Variants in RBFOX1 observed in about 807,000 individuals in gnomAD.
RBFOX1 encodes the protein RNA binding fox-1 homolog 1, also known as RNA binding protein fox-1 homolog 1.
Under a neutral mutation model 57.7 loss-of-function variants are expected in RBFOX1, and 8 were observed. The ratio of observed to expected loss-of-function variants is 0.14; its 90% confidence interval spans 0.08 to 0.25. The LOEUF is 0.25. Ranked by LOEUF, RBFOX1 falls within the 10% of genes least tolerant of loss-of-function variation. The pLI is 1.00. For missense variants in RBFOX1, 611 were observed against 548.5 expected, an observed-to-expected ratio of 1.11 and a Z score of -1.14; for synonymous variants, 326 against 222.4, an observed-to-expected ratio of 1.47 and a Z score of -4.15.
chr16:6,420,936 G>A (rs1348119982), intron 2 of RBFOX1, among the ~76,000 whole-genome samples: 1 of 152,220 alleles, frequency 6.6e-6, no homozygotes, highest in Admixed American at 6.5e-5. Context: ...CTGTAAGCCT[G>A]AAAGTGGGTG....
At chr16:7,650,110 TAAGAAGGA>T (rs917387561) in intron 11 of RBFOX1, among the ~76,000 whole-genome samples, 1 of 151,334 alleles carries the variant, frequency 6.6e-6, no homozygotes, top group Non-Finnish European at 1.5e-5. Context: ...GGAGCAAGTA[TAAGAAGGA>T]AGGAAGGAAT....
chr16:5,537,527 T>C (rs2044747999), intron 2 of RBFOX1, among the ~76,000 whole-genome samples: 1 of 152,208 alleles, frequency 6.6e-6, no homozygotes. Context: ...GGGGAATCTG[T>C]TTCCTTGCTT....
chr16:7,001,510 A>G (rs981696972), intron 3 of RBFOX1, among the ~76,000 whole-genome samples: 3 of 152,016 alleles, frequency 2.0e-5, no homozygotes, highest in African/African-American at 4.8e-5. Context: ...AGGATGGAGT[A>G]CAGTTGCATG....
At chr16:7,615,741 A>G (rs1266291280) in intron 10 of RBFOX1, among the ~76,000 whole-genome samples, 1 of 152,004 alleles carries the variant, frequency 6.6e-6, no homozygotes, top group East Asian at 1.9e-4. Flanking sequence ...GGGATTGGGG[A>G]GTGTTGTTCA....
intron 3 of RBFOX1, among the ~76,000 whole-genome samples, chr16:6,668,813 C>G (rs562800159): frequency 0.067 from 418 of 6,202 alleles, 4 homozygotes; most frequent in South Asian, 0.5. Context: ...TTAAAAGAAG[C>G]AAGTCTATTT....
intron 2 of RBFOX1, among the ~76,000 whole-genome samples, chr16:6,567,826 A>T (rs1168199932): frequency 1.3e-5 from 2 of 152,004 alleles, no homozygotes; most frequent in Non-Finnish European, 2.9e-5. Flanking sequence ...AAAATTTTTT[A>T]AAATTCCTTT....
rs544749942 is a variant in RBFOX1 at position 7,198,926 on chromosome 16, A to G, written c.27+146828A>G. ...TGGCTGCCTTGTTCACAGTTTGCTCAGTATGAACCATGCTTGCAGGAGAAC... is the reference window on the plus strand; with the variant it reads ...TGGCTGCCTTGTTCACAGTTTGCTCGGTATGAACCATGCTTGCAGGAGAAC... On this transcript the variant is annotated intron_variant, in intron 4 of 15. Transcript: ENST00000550418. Among the ~76,000 whole-genome samples, 4 of 152,318 alleles carry G rather than the reference A, an allele frequency of 2.6e-5. No individual in the cohort carries two copies. In the East Asian group the frequency reaches 7.7e-4, roughly 29 times the overall value.
rs143986380 is a variant in RBFOX1, at chr16:5,902,971, A to G, written c.351+35636A>G. 3.8e-4 allele frequency among the ~76,000 whole-genome samples: 58 copies of G among 152,104 alleles called. 1 individual carries two copies. The East Asian group carries it at 8.0e-3, about 21-fold the overall frequency. The stretch of plus-strand genomic sequence containing the variant: ...TCTACTACAGTTCTTATCTCAGGTA[A>G]GTGTTTCTAAACTCCCCCACCCTCA... On this transcript the variant is annotated intron_variant, in intron 4 of 19. Transcript: ENST00000641259.
intron 3 of RBFOX1, among the ~76,000 whole-genome samples, chr16:6,959,646 A>T (rs2082554510): frequency 6.6e-6 from 1 of 152,164 alleles, no homozygotes; most frequent in Admixed American, 6.5e-5. Flanking sequence ...GTTAAATATT[A>T]AAAGCTGAGG....
intron 4 of RBFOX1, among the ~76,000 whole-genome samples, chr16:7,142,797 G>C (rs2074114356): frequency 6.6e-6 from 1 of 152,128 alleles, no homozygotes; most frequent in African/African-American, 2.4e-5. Flanking sequence ...ACACAGTGTT[G>C]CTTAAACCAG....
At position 6,538,709 on chromosome 16, in the gene RBFOX1, C is replaced by G. The variant is rs117832290; in HGVS notation, c.-63-115894C>G. ...GTTAAACCAAGGTAAACACAGAATT[C>G]TCACTAACTTTTGACGACTGAATGT... On this transcript the variant is annotated intron_variant, in intron 2 of 15. Transcript: ENST00000550418. Among the ~76,000 whole-genome samples, 537 of 152,294 alleles carry G rather than the reference C, an allele frequency of 3.5e-3. 9 individuals are homozygous for G. The East Asian group carries it at 0.053, about 15-fold the overall frequency.
At chr16:6,115,777 C>G (rs867988955) in intron 1 of RBFOX1, among the ~76,000 whole-genome samples, 7 of 152,118 alleles carry the variant, frequency 4.6e-5, no homozygotes, top group African/African-American at 1.7e-4. Flanking sequence ...GTCATAATTC[C>G]CCAATCCCTG....
intron 1 of RBFOX1, among the ~76,000 whole-genome samples, chr16:5,363,013 G>A (rs1159378123): frequency 1.4e-5 from 2 of 146,130 alleles, no homozygotes; most frequent in African/African-American, 5.0e-5. Context: ...ATATCTCTTT[G>A]AGATGATGAT....
At chr16:6,999,629 G>A (rs1390166599) in intron 3 of RBFOX1, among the ~76,000 whole-genome samples, 4 of 151,922 alleles carry the variant, frequency 2.6e-5, no homozygotes, top group Admixed American at 2.6e-4. Flanking sequence ...AACTTGTTTT[G>A]TGCTTTAATC....
chr16:6,003,334 G>A (rs2060634544), intron 4 of RBFOX1, among the ~76,000 whole-genome samples: 2 of 150,372 alleles, frequency 1.3e-5, no homozygotes, highest in African/African-American at 4.9e-5. Context: ...AGATCAAGAC[G>A]TTTGTTTCCC....
chr16:5,897,243 G>C (rs960333952), intron 4 of RBFOX1, among the ~76,000 whole-genome samples: 1 of 149,632 alleles, frequency 6.7e-6, no homozygotes, highest in Non-Finnish European at 1.5e-5. Context: ...CACCTTGTTA[G>C]CCAGGATGGT....
At chr16:7,453,828 A>G (rs1318501938) in intron 4 of RBFOX1, among the ~76,000 whole-genome samples, 1 of 152,132 alleles carries the variant, frequency 6.6e-6, no homozygotes, top group African/African-American at 2.4e-5. Flanking sequence ...CAGCCTTAAG[A>G]TGGCATTCCT....
intron 3 of RBFOX1, among the ~76,000 whole-genome samples, chr16:6,977,137 ATAT>A (rs1219579992): frequency 1.2e-4 from 17 of 136,934 alleles, no homozygotes; most frequent in African/African-American, 4.4e-4. Context: ...TATATGATAT[ATAT>A]TATATATATC....
In RBFOX1 at chr16:7,139,176, C is replaced by CTCTCTCTCTCTGTGTGTGTG. The variant is rs372381673; in HGVS notation, c.27+87079_27+87080insCTCTCTCTCTGTGTGTGTGT. Among the ~76,000 whole-genome samples the CTCTCTCTCTCTGTGTGTGTG allele has an allele frequency of 3.5e-3, 512 of 145,898 alleles. 2 individuals carry two copies. Among genetic ancestry groups the CTCTCTCTCTCTGTGTGTGTG allele is most frequent in the East Asian group, 0.015 (73 of 4,938 alleles). ...TAATGCAGATGAAATCAATCTCTCT[C>CTCTCTCTCTCTGTGTGTGTG]TGTGTGTGTGTGTGTGTGTGTATGT... On this transcript the variant is annotated intron_variant, in intron 4 of 15. Transcript: ENST00000550418.
Sources: allele counts gnomAD v4.1 joint callset (sites outside exome capture counted in the v4.1 genomes callset), GRCh38; gene constraint gnomAD v4.1.1; transcripts MANE v1.5; gene names NCBI Gene and HGNC (gene_info 2026-07-23, HGNC 2026-07-21).